CREB5: variants seen among roughly 807,000 people sequenced by gnomAD.
CREB5 encodes cyclic AMP-responsive element-binding protein 5.
Under a neutral mutation model 57.1 loss-of-function variants are expected in CREB5, and 19 were observed. The ratio of observed to expected loss-of-function variants is 0.33; its 90% CI spans 0.23 to 0.49. The LOEUF is 0.49. Ranked by LOEUF, CREB5 falls within the 20% of genes least tolerant of loss-of-function variation. CREB5 has a pLI of 0.99. For synonymous variants in CREB5, 238 were observed against 238.3 expected (o/e 1.00, Z 0.01); for missense variants, 579 against 671.6 (o/e 0.86, Z 1.52).
intron 1 of CREB5, among the ~76,000 whole-genome samples, chr7:28,401,409 T>A (rs556711471): frequency 1.1e-3 from 170 of 152,078 alleles, no homozygotes; most frequent in African/African-American, 4.0e-3. Flanking sequence ...TTAATTAATT[T>A]TTTTAATTTT....
intron 7 of CREB5, among the ~76,000 whole-genome samples, chr7:28,779,384 T>A (rs1806842993): frequency 6.6e-6 from 1 of 152,224 alleles, no homozygotes; most frequent in South Asian, 2.1e-4. Flanking sequence ...TCAACTGGAA[T>A]TTTTGTTTCT....
intron 5 of CREB5, among the ~76,000 whole-genome samples, chr7:28,642,807 A>G (rs1798708182): frequency 6.6e-6 from 1 of 152,164 alleles, no homozygotes; most frequent in African/African-American, 2.4e-5. Flanking sequence ...CGATCAGAGT[A>G]CAGATGGGAG....
At chr7:28,431,472 G>A (rs1272248523) in intron 1 of CREB5, among the ~76,000 whole-genome samples, 1 of 152,168 alleles carries the variant, frequency 6.6e-6, no homozygotes, top group Non-Finnish European at 1.5e-5. Flanking sequence ...GTTGCAATCA[G>A]TAAACAACCC....
intron 5 of CREB5, among the ~76,000 whole-genome samples, chr7:28,572,091 C>A (rs560827946): frequency 6.6e-6 from 1 of 152,152 alleles, no homozygotes; most frequent in African/African-American, 2.4e-5. Context: ...TTATTCCTCC[C>A]TAGGATATTC....
At chr7:28,590,027 A>C (rs1583673563) in intron 5 of CREB5, among the ~76,000 whole-genome samples, 1 of 152,198 alleles carries the variant, frequency 6.6e-6, no homozygotes, top group Admixed American at 6.5e-5. Flanking sequence ...GTCAGGAAAC[A>C]ACAGGTGCTG....
In CREB5 at chr7:28,391,178, A is replaced by G. The variant is rs143033383; in HGVS notation, c.-25+91737A>G. 3.2e-3 allele frequency among the ~76,000 whole-genome samples: 485 copies of G among 152,338 alleles called. 2 individuals carry two copies. The highest frequency in any genetic ancestry group is 0.011 in the African/African-American group (459 of 41,574). ...CGCTCAGTTTTCTGTTCTATTTCAA[A>G]TTAATATTACATCATAATTTTATCA... On this transcript the variant is annotated intron_variant, in intron 1 of 9. Transcript: ENST00000396299.
chr7:28,374,789 T>A (rs1170107948), intron 1 of CREB5, among the ~76,000 whole-genome samples: 5 of 152,222 alleles, frequency 3.3e-5, no homozygotes, highest in Non-Finnish European at 7.3e-5. Context: ...GGATTATGCA[T>A]CCCAGGCTCA....
At chr7:28,600,520 G>C (rs1439294001) in intron 5 of CREB5, among the ~76,000 whole-genome samples, 1 of 152,144 alleles carries the variant, frequency 6.6e-6, no homozygotes, top group Non-Finnish European at 1.5e-5. Context: ...ACTGAGGATG[G>C]TAGGGAGGGG....
chr7:28,541,371 A>G (rs1562784898), intron 4 of CREB5, among the ~76,000 whole-genome samples: 1 of 152,256 alleles, frequency 6.6e-6, no homozygotes, highest in Non-Finnish European at 1.5e-5. Flanking sequence ...CACTCAGAGA[A>G]AAAACCTTTA....
At position 28,570,409 on chromosome 7, in the gene CREB5, C is replaced by T. The variant is rs370145745; in HGVS notation, c.336C>T (p.Pro112=). ...CAGTTGGTGGGGCCATGACGGGGCCCGGAACTCACCAGCTTAGCAGCGCTC... is the reference window on the plus strand; with the variant it reads ...CAGTTGGTGGGGCCATGACGGGGCCTGGAACTCACCAGCTTAGCAGCGCTC... ...HNAVGGAMTG[P]GTHQLSSARL... The change falls in exon 5 of 11, where the codon CCC becomes CCT. Residue 112 remains proline, a synonymous_variant. Transcript: ENST00000357727. 27 of 1,613,964 alleles carry T rather than the reference C, an allele frequency of 1.7e-5. No individual in the cohort carries two copies. The highest frequency in any genetic ancestry group is 1.3e-4 in the South Asian group (12 of 91,062).
At chr7:28,471,809 C>A (rs9791565) in intron 1 of CREB5, among the ~76,000 whole-genome samples, 123,623 of 152,062 alleles carry the variant, frequency 0.81, 50,278 homozygotes, top group South Asian at 0.86. Flanking sequence ...TTGAACAGAG[C>A]CAATCAATGT....
chr7:28,759,808 T>C (rs1200830737), intron 7 of CREB5, among the ~76,000 whole-genome samples: 3 of 152,250 alleles, frequency 2.0e-5, no homozygotes, highest in Non-Finnish European at 4.4e-5. Flanking sequence ...GGAATTTACA[T>C]ACCACGCAAC....
chr7:28,449,426 C>T (rs750819302), intron 1 of CREB5, among the ~76,000 whole-genome samples: 15 of 152,178 alleles, frequency 9.9e-5, no homozygotes, highest in Non-Finnish European at 2.1e-4. Flanking sequence ...TAAACCTTCC[C>T]TTTGTGGCCC....
intron 1 of CREB5, among the ~76,000 whole-genome samples, chr7:28,453,578 C>T (rs1789939164): frequency 6.6e-6 from 1 of 152,226 alleles, no homozygotes; most frequent in South Asian, 2.1e-4. Context: ...GTGCAAGGCA[C>T]GTGCCTAGCA....
At chr7:28,452,532 A>G (rs1333876193) in intron 1 of CREB5, among the ~76,000 whole-genome samples, 3 of 152,178 alleles carry the variant, frequency 2.0e-5, no homozygotes, top group Non-Finnish European at 4.4e-5. Context: ...AAAGACTTGA[A>G]TGAAGGTGAG....
chr7:28,751,387 C>T (rs529328959), intron 7 of CREB5, among the ~76,000 whole-genome samples: 73 of 152,226 alleles, frequency 4.8e-4, no homozygotes, highest in African/African-American at 1.5e-3. Context: ...TGTGAAGATC[C>T]AGTGGATTTT....
chr7:28,508,361 C>T lies in CREB5; in HGVS notation c.291+624C>T, dbSNP rs77216159. On this transcript the variant is annotated intron_variant, in intron 4 of 10. Coordinates refer to ENST00000357727, the MANE Select transcript of CREB5 (RefSeq NM_182898.4). ...GAATAATGAAAGGAGATGGTGGTCACAAGTCAATGTGATGAGGATGCTTTT... is the reference window on the plus strand; with the variant it reads ...GAATAATGAAAGGAGATGGTGGTCATAAGTCAATGTGATGAGGATGCTTTT... Among the ~76,000 whole-genome samples the T allele has an allele frequency of 6.7e-3, 1,015 of 152,254 alleles. 3 individuals carry two copies. The highest frequency in any genetic ancestry group is 0.011 in the Non-Finnish European group (758 of 68,018).
intron 5 of CREB5, among the ~76,000 whole-genome samples, chr7:28,678,522 T>G (rs890513120): frequency 5.9e-5 from 9 of 152,226 alleles, no homozygotes; most frequent in Non-Finnish European, 1.2e-4. Flanking sequence ...ATCATTTTAT[T>G]AAAGTTTAGA....
rs571846580 is a variant in CREB5, at chr7:28,681,167, A to T, written c.465-37586A>T. Among the ~76,000 whole-genome samples the T allele has an allele frequency of 1.0e-3, 154 of 152,134 alleles. 1 individual carries two copies. Among genetic ancestry groups the T allele is most frequent in the African/African-American group, 2.8e-3 (115 of 41,504 alleles). ...AGTGTAGGGATGGAGAAGGCTGACTAGTAGATTTCCTAGGATTTTCTTATT... is the reference window on the plus strand; with the variant it reads ...AGTGTAGGGATGGAGAAGGCTGACTTGTAGATTTCCTAGGATTTTCTTATT... On this transcript the variant is annotated intron_variant, in intron 5 of 10. Coordinates refer to ENST00000357727, the MANE Select transcript of CREB5 (RefSeq NM_182898.4).
Sources: gnomAD v4.1 joint callset for allele counts (sites outside exome capture counted in the v4.1 genomes callset) on GRCh38, gnomAD v4.1.1 for gene constraint, MANE v1.5 for transcripts, NCBI Gene and HGNC (gene_info 2026-07-23, HGNC 2026-07-21) for gene names.